TMEM221: variants seen among roughly 807,000 people sequenced by gnomAD.
TMEM221 encodes the protein Putative transmembrane protein ENSP00000342162.
Under a neutral mutation model 10.2 loss-of-function variants are expected in TMEM221, and 11 were observed. The observed-to-expected ratio is 1.08, with a 90% CI of 0.68 to 1.79. The LOEUF (loss-of-function observed/expected upper bound fraction) is 1.79. TMEM221 is among the 40% of genes most tolerant of loss of function. The pLI is 0.00. For synonymous variants in TMEM221, 172 were observed against 199.8 expected (o/e 0.86, Z 1.18); for missense variants, 382 against 417.7 (o/e 0.91, Z 0.75).
chr19:17,447,419 T>G (rs2074957155), intron 1 of TMEM221, among the ~76,000 whole-genome samples: 1 of 152,086 alleles, frequency 6.6e-6, no homozygotes, highest in African/African-American at 2.4e-5. Context: ...TCCATTCCCC[T>G]GCAGGCAGGC....
intron 1 of TMEM221, among the ~76,000 whole-genome samples, chr19:17,447,567 T>C (rs548864772): frequency 6.6e-6 from 1 of 152,288 alleles, no homozygotes; most frequent in Admixed American, 6.5e-5. Flanking sequence ...GGACTAGAAT[T>C]TGGGCTCCTC....
Position 17,448,305 on chromosome 19 carries a change from A to G in TMEM221, c.158T>C (p.Leu53Pro), listed in dbSNP as rs1026280433. 13 of 1,220,350 alleles carry G rather than the reference A, an allele frequency of 1.1e-5. No individual in the cohort carries two copies. The highest frequency in any genetic ancestry group is 6.4e-4 in the Middle Eastern group (2 of 3,116). 75.6% of individuals were successfully genotyped at this position (1,220,350 alleles called of 1,614,324 possible). Residue 53 changes from leucine (L) to proline (P), a missense_variant, in exon 1 of 3, where the codon CTG (leucine) becomes CCG (proline). Transcript: ENST00000341130. This position sits in a 1 kb window ranked among gnomAD's most constrained non-coding sequence, Gnocchi z 4.7. ...GLRAEGLGQE[L>P]GAGPGLPEDA... is the part of the protein sequence containing the mutation. Reference sequence around the variant, plus strand: ...CTCTGGCAGCCCGGGGCCGGCGCCCAGCTCCTGGCCCAGCCCCTCGGCGCG... The same window carrying G: ...CTCTGGCAGCCCGGGGCCGGCGCCCGGCTCCTGGCCCAGCCCCTCGGCGCG...
At chr19:17,444,825 T>C (rs982995999) in intron 2 of TMEM221, 1 of 142,600 alleles carries the variant, frequency 7.0e-6, no homozygotes, top group Non-Finnish European at 1.5e-5. Flanking sequence ...TTTTTTTTTT[T>C]GTAGAGATGG....
Position 17,448,003 on chromosome 19 carries a change from G to T in TMEM221, c.320+140C>A. 1.7e-6 allele frequency: 1 copy of T among 581,084 alleles called. No individual in the cohort carries two copies. 36.0% of individuals were successfully genotyped at this position (581,084 alleles called of 1,614,324 possible). A position where few individuals can be genotyped will look rare whatever the true frequency, so the allele number is the denominator to read the frequency against. ...AGGAGGAGAGGAAAGGAGGGAGGCA[G>T]AGAGACATGGAGTGGTGGGGAGAGG... On this transcript the variant is annotated intron_variant, in intron 1 of 2. Coordinates refer to ENST00000341130, the MANE Select transcript of TMEM221 (RefSeq NM_001190844.2). The surrounding 1 kb of genome is among the most constrained non-coding windows in gnomAD (Gnocchi z 4.7).
At chr19:17,442,463 G>A (rs1436795788) in intron 2 of TMEM221, among the ~76,000 whole-genome samples, 2 of 142,792 alleles carry the variant, frequency 1.4e-5, no homozygotes, top group African/African-American at 5.1e-5. Flanking sequence ...TTTTTTAGAT[G>A]GCATCTCACT....
intron 1 of TMEM221, among the ~76,000 whole-genome samples, chr19:17,446,884 A>G (rs764335215): frequency 3.3e-5 from 5 of 152,054 alleles, no homozygotes; most frequent in Non-Finnish European, 5.9e-5. Flanking sequence ...GGCATGCACC[A>G]CCACACCTAG....
intron 2 of TMEM221, among the ~76,000 whole-genome samples, chr19:17,441,741 C>A (rs140713500): frequency 4.6e-5 from 7 of 151,524 alleles, no homozygotes; most frequent in Non-Finnish European, 1.0e-4. Flanking sequence ...ACTTTCCAGG[C>A]TGTTTATACG....
chr19:17,438,502 G>A (rs2074918676), intron 2 of TMEM221, among the ~76,000 whole-genome samples: 1 of 152,174 alleles, frequency 6.6e-6, no homozygotes, highest in Non-Finnish European at 1.5e-5. Context: ...TGGGATTACA[G>A]GCGTGAGCCA....
chr19:17,448,504 A>G lies in TMEM221; in HGVS notation c.-42T>C. The G allele has an allele frequency of 7.0e-7, 1 of 1,420,332 alleles. No individual in the cohort carries two copies. The highest frequency in any genetic ancestry group is 9.2e-7 in the Non-Finnish European group (1 of 1,088,070). 88.0% of individuals were successfully genotyped at this position (1,420,332 alleles called of 1,614,324 possible). On this transcript the variant is annotated 5_prime_UTR_variant, in exon 1 of 3. Transcript: ENST00000341130. This position sits in a 1 kb window ranked among gnomAD's most constrained non-coding sequence, Gnocchi z 4.7. ...GGCCGGGGGAAGAGTTGAGGAATTG[A>G]AGTGGTTTTAGAGGGCAGGGGAGTT... is the stretch of plus-strand genomic sequence containing the variant.
intron 2 of TMEM221, chr19:17,444,701 G>T (rs1268230557): frequency 5.6e-5 from 7 of 124,916 alleles, no homozygotes; most frequent in Admixed American, 5.1e-4. Context: ...TCTATATATA[G>T]ATATATAATA....
chr19:17,436,858 G>C lies in TMEM221; in HGVS notation c.476C>G (p.Ser159Trp). 1 of 1,454,646 alleles carries C rather than the reference G, an allele frequency of 6.9e-7. No homozygotes were observed. Among genetic ancestry groups the C allele is most frequent in the Non-Finnish European group, 9.0e-7 (1 of 1,106,112 alleles). The allele number at this position is 1,454,646 out of a possible 1,614,324, so 90.1% of individuals were successfully genotyped here. The change falls in exon 3 of 3, where the codon TCG becomes TGG. Residue 159 changes from serine (S) to tryptophan (W), a missense_variant. Coordinates refer to ENST00000341130, the MANE Select transcript of TMEM221 (RefSeq NM_001190844.2). ...CACAGCCACCAGAACCAGGGTGCCC[G>C]AGCCGAGGATGGAAGCAGCTGCTGC... ...TGAAAASILGSGTLVLVAVLT... is the reference protein window; with the variant it reads ...TGAAAASILGWGTLVLVAVLT...
At chr19:17,444,071 C>CTTTTT (rs67270566) in intron 2 of TMEM221, among the ~76,000 whole-genome samples, 8 of 56,294 alleles carry the variant, frequency 1.4e-4, no homozygotes, top group African/African-American at 5.2e-4. Context: ...AAAATGCTAT[C>CTTTTT]TTTTTTTTTT....
At chr19:17,447,685 G>GACC (rs2074958080) in intron 1 of TMEM221, among the ~76,000 whole-genome samples, 1 of 152,124 alleles carries the variant, frequency 6.6e-6, no homozygotes, top group Non-Finnish European at 1.5e-5. Context: ...GTCCCTCAAT[G>GACC]ACCACATCCC....
chr19:17,441,144 G>T (rs559137497), intron 2 of TMEM221, among the ~76,000 whole-genome samples: 1 of 150,074 alleles, frequency 6.7e-6, no homozygotes, highest in African/African-American at 2.5e-5. Context: ...GGAGGTGGTG[G>T]TTGCAGTGAG....
chr19:17,448,351 G>C lies in TMEM221; in HGVS notation c.112C>G (p.Arg38Gly). Residue 38 changes from arginine to glycine, a missense_variant, in exon 1 of 3, where the codon CGC (arginine) becomes GGC (glycine). Arg to Gly is a moderately radical substitution (Grantham distance 125, BLOSUM62 -2). Coordinates refer to ENST00000341130, the MANE Select transcript of TMEM221 (RefSeq NM_001190844.2). This position sits in a 1 kb window ranked among gnomAD's most constrained non-coding sequence, Gnocchi z 4.7. Reference protein sequence around the residue: ...AQLLFQLQAGRAELRGLRAEG... With the variant: ...AQLLFQLQAGGAELRGLRAEG... ...GCGCGCAGCCCCCGCAGCTCGGCGC[G>C]GCCCGCCTGCAGCTGAAACAGCAGC... 7.4e-7 allele frequency: 1 copy of C among 1,357,084 alleles called. No homozygotes were observed. The highest frequency in any genetic ancestry group is 9.5e-7 in the Non-Finnish European group (1 of 1,056,078). 84.1% of individuals were successfully genotyped at this position (1,357,084 alleles called of 1,614,324 possible). A position where few individuals can be genotyped will look rare whatever the true frequency, so the allele number is the denominator to read the frequency against.
chr19:17,446,432 C>T (rs1042646832), intron 1 of TMEM221, among the ~76,000 whole-genome samples: 8 of 152,040 alleles, frequency 5.3e-5, no homozygotes, highest in Admixed American at 6.6e-5. Context: ...TGATACAAAC[C>T]GCGACCCCAA....
intron 2 of TMEM221, among the ~76,000 whole-genome samples, chr19:17,442,339 C>A (rs1363429315): frequency 2.6e-5 from 4 of 152,036 alleles, no homozygotes; most frequent in Non-Finnish European, 4.4e-5. Flanking sequence ...CTCACTGCAA[C>A]CTCCGCCCCC....
Position 17,445,203 on chromosome 19 carries a change from T to G in TMEM221, c.402A>C (p.Leu134Phe). Residue 134 changes from leucine (L) to phenylalanine (F), a missense_variant, in exon 2 of 3, where the codon TTA becomes TTC. Physicochemically the swap from Leu to Phe is conservative, Grantham distance 22 (BLOSUM62 0). Coordinates refer to ENST00000341130, the MANE Select transcript of TMEM221 (RefSeq NM_001190844.2). The part of the protein sequence containing the change: ...GLFCCGISVY[L>F]AALSIYALLL... The stretch of plus-strand genomic sequence containing the variant: ...ACGTTCTATTCCAGCACACACCTGC[T>G]AAATAGACGGAGATCCCACAGCAGA... 1 of 1,535,568 alleles carries G rather than the reference T, an allele frequency of 6.5e-7. No homozygotes were observed. Among genetic ancestry groups the G allele is most frequent in the South Asian group, 1.2e-5 (1 of 84,056 alleles).
intron 2 of TMEM221, among the ~76,000 whole-genome samples, chr19:17,440,146 C>T (rs1343358124): frequency 1.3e-5 from 2 of 152,022 alleles, no homozygotes; most frequent in Non-Finnish European, 2.9e-5. Context: ...ATGATCACAC[C>T]ACTGCACTCC....
Sources: allele counts gnomAD v4.1 joint callset (sites outside exome capture counted in the v4.1 genomes callset), GRCh38; gene constraint gnomAD v4.1.1; non-coding constraint Gnocchi (gnomAD v3.1); transcripts MANE v1.5; gene names NCBI Gene and HGNC (gene_info 2026-07-23, HGNC 2026-07-21).